LAPTM4B: variants seen among roughly 807,000 people sequenced by gnomAD.
LAPTM4B encodes lysosomal-associated transmembrane protein 4B.
A neutral mutation model predicts 28.5 loss-of-function variants in LAPTM4B; 26 were observed. The observed-to-expected ratio is 0.91, with a 90% CI of 0.67 to 1.27. The LOEUF is 1.27. LAPTM4B is among the 50% of genes most tolerant of loss of function. The pLI, the probability that LAPTM4B is intolerant of heterozygous loss-of-function variation, is 0.00. For missense variants in LAPTM4B, 288 were observed against 285.8 expected (o/e 1.01, Z -0.06); for synonymous variants, 109 against 106.4 (o/e 1.02, Z -0.15).
intron 6 of LAPTM4B, among the ~76,000 whole-genome samples, chr8:97,832,731 G>C (rs1031140404): frequency 1.3e-4 from 9 of 70,986 alleles, no homozygotes; most frequent in African/African-American, 2.6e-4. Context: ...TTTTGAGACA[G>C]AGTCTTGCTC....
At chr8:97,826,281 A>G (rs12676056) in intron 6 of LAPTM4B, among the ~76,000 whole-genome samples, 71,041 of 151,524 alleles carry the variant, frequency 0.47, 16,859 homozygotes, top group East Asian at 0.57. Context: ...ATAGACAGCC[A>G]TGACCAGATG....
intron 1 of LAPTM4B, among the ~76,000 whole-genome samples, chr8:97,796,293 G>A (rs1563604715): frequency 6.6e-6 from 1 of 152,148 alleles, no homozygotes; most frequent in Admixed American, 6.6e-5. Flanking sequence ...TTATGGAGAT[G>A]GAGTCTTACT....
At chr8:97,812,212 TTTTTGTTGTTTTTTG>T (rs1403180840) in intron 2 of LAPTM4B, among the ~76,000 whole-genome samples, 4 of 40,790 alleles carry the variant, frequency 9.8e-5, no homozygotes, top group Admixed American at 8.0e-4. Context: ...ATTTGTTTTT[TTTTTGTTGTTTTTTG>T]TTTTTTTTTT....
At chr8:97,816,261 A>G (rs1297615450) in intron 4 of LAPTM4B, 81 bp downstream of exon 4, 2 of 1,316,396 alleles carry the variant, frequency 1.5e-6, no homozygotes, top group Non-Finnish European at 2.1e-6. Flanking sequence ...GTAGAGATAC[A>G]CAGACATTAA....
chr8:97,775,953 A>C lies in LAPTM4B; in HGVS notation c.-57A>C. The C allele has an allele frequency of 6.6e-7, 1 of 1,507,478 alleles. No homozygotes were observed. Among genetic ancestry groups the C allele is most frequent in the Non-Finnish European group, 8.8e-7 (1 of 1,137,684 alleles). The allele number at this position is 1,507,478 out of a possible 1,614,324, so 93.4% of individuals were successfully genotyped here. On this transcript the variant is annotated 5_prime_UTR_variant, in exon 1 of 7. Transcript: ENST00000521545. ...GCAGCGGCGCGGCGGGCTCCAGGCG[A>C]GGCGGTCGACGCTCCTGAAAACTTG...
At chr8:97,820,250 C>A (rs1382596885) in intron 5 of LAPTM4B, among the ~76,000 whole-genome samples, 1 of 151,372 alleles carries the variant, frequency 6.6e-6, no homozygotes, top group African/African-American at 2.4e-5. Context: ...AGAAAACTCT[C>A]ATGGCTCTTT....
Position 97,775,989 on chromosome 8 carries a change from C to T in LAPTM4B, c.-21C>T. On this transcript the variant is annotated 5_prime_UTR_variant, in exon 1 of 7. Transcript: ENST00000521545. The stretch of plus-strand genomic sequence containing the variant: ...GCTCCTGAAAACTTGCGCGCGCGCT[C>T]GCGCCACTGCGCCCGGAGCGATGAA... 1 of 1,562,728 alleles carries T rather than the reference C, an allele frequency of 6.4e-7. No individual in the cohort carries two copies. The highest frequency in any genetic ancestry group is 8.6e-7 in the Non-Finnish European group (1 of 1,161,670).
At chr8:97,786,691 TC>T (rs1816408167) in intron 1 of LAPTM4B, among the ~76,000 whole-genome samples, 1 of 135,274 alleles carries the variant, frequency 7.4e-6, no homozygotes. Flanking sequence ...AGAGCGAGAC[TC>T]CCGTCTCAGA....
chr8:97,777,137 GTTTTTTTTTTTTTT>G (rs1176218610), intron 1 of LAPTM4B, among the ~76,000 whole-genome samples: 2 of 83,840 alleles, frequency 2.4e-5, no homozygotes, highest in Admixed American at 1.6e-4. Flanking sequence ...TTTCAGTGAG[GTTTTTTTTTTTTTT>G]TTTTTTTTTT....
intron 6 of LAPTM4B, among the ~76,000 whole-genome samples, chr8:97,831,156 T>G (rs1817178166): frequency 1.3e-5 from 2 of 152,334 alleles, no homozygotes; most frequent in South Asian, 4.1e-4. Context: ...GAGATTCCAC[T>G]GAATACTGAG....
intron 1 of LAPTM4B, among the ~76,000 whole-genome samples, chr8:97,796,843 G>A (rs747259231): frequency 6.6e-6 from 1 of 152,184 alleles, no homozygotes; most frequent in Non-Finnish European, 1.5e-5. Flanking sequence ...AGGAGGCTGA[G>A]GCAGGAGATT....
At chr8:97,784,436 T>A (rs570817074) in intron 1 of LAPTM4B, among the ~76,000 whole-genome samples, 7 of 152,032 alleles carry the variant, frequency 4.6e-5, no homozygotes, top group Non-Finnish European at 1.0e-4. Context: ...TTGGTTGTTG[T>A]TTTTGTTTTG....
At chr8:97,805,270 T>G in intron 1 of LAPTM4B, 83 bp from the exon 2 acceptor site, 2 of 754,290 alleles carry the variant, frequency 2.7e-6, no homozygotes, top group Non-Finnish European at 4.4e-6. Context: ...CCTGACTCCA[T>G]GTGGTCAGTG....
intron 2 of LAPTM4B, among the ~76,000 whole-genome samples, chr8:97,806,806 A>C (rs1816760665): frequency 6.6e-6 from 1 of 152,082 alleles, no homozygotes; most frequent in Non-Finnish European, 1.5e-5. Context: ...AAAATAGAAA[A>C]ATTAGCCCAG....
intron 4 of LAPTM4B, among the ~76,000 whole-genome samples, chr8:97,818,588 T>C (rs1338441093): frequency 6.6e-6 from 1 of 152,198 alleles, no homozygotes; most frequent in Non-Finnish European, 1.5e-5. Flanking sequence ...AAGTACTTGC[T>C]AGTATAAGAG....
intron 6 of LAPTM4B, among the ~76,000 whole-genome samples, chr8:97,847,559 A>G (rs1193696864): frequency 6.6e-6 from 1 of 152,246 alleles, no homozygotes; most frequent in Non-Finnish European, 1.5e-5. Flanking sequence ...TGATGGGCAC[A>G]TCCCATGTTC....
intron 1 of LAPTM4B, among the ~76,000 whole-genome samples, chr8:97,800,231 C>T (rs1403104205): frequency 6.6e-6 from 1 of 152,112 alleles, no homozygotes; most frequent in African/African-American, 2.4e-5. Flanking sequence ...TAAGAGTTGA[C>T]AGGTCCCTAG....
At position 97,821,596 on chromosome 8, in the gene LAPTM4B, G is replaced by A. The variant is rs371721148; in HGVS notation, c.507+2358G>A. Among the ~76,000 whole-genome samples, 4 of 151,548 alleles carry A rather than the reference G, an allele frequency of 2.6e-5. 1 individual carries two copies. Among genetic ancestry groups the A allele is most frequent in the South Asian group, 4.1e-4 (2 of 4,828 alleles). Reference sequence around the variant, plus strand: ...ATAGAAAGGTAGTGGTGCATCAAGCGTAGCTGTGACGGTTTTGCATATGCT... The same window carrying A: ...ATAGAAAGGTAGTGGTGCATCAAGCATAGCTGTGACGGTTTTGCATATGCT... On this transcript the variant is annotated intron_variant, in intron 5 of 6. Coordinates refer to ENST00000521545, the MANE Select transcript of LAPTM4B (RefSeq NM_018407.6).
intron 1 of LAPTM4B, among the ~76,000 whole-genome samples, chr8:97,803,839 C>A (rs1586327981): frequency 6.6e-6 from 1 of 152,186 alleles, no homozygotes; most frequent in East Asian, 1.9e-4. Flanking sequence ...GATGGGGTCT[C>A]ACTGTGTTGC....
Sources: allele counts gnomAD v4.1 joint callset (sites outside exome capture counted in the v4.1 genomes callset), GRCh38; gene constraint gnomAD v4.1.1; transcripts MANE v1.5; gene names NCBI Gene and HGNC (gene_info 2026-07-23, HGNC 2026-07-21).